Variants in FOXP1 observed in about 807,000 individuals in gnomAD.
FOXP1 encodes the protein forkhead box protein P1.
FOXP1 carries 15 observed loss-of-function variants against 98.2 expected under a neutral mutation model. The ratio of observed to expected loss-of-function variants is 0.15; its 90% CI spans 0.10 to 0.24. The LOEUF (loss-of-function observed/expected upper bound fraction) is 0.24, where lower values mean the gene tolerates loss of function less well. FOXP1 is among the 10% of genes least tolerant of loss of function. The pLI is 1.00. For synonymous variants in FOXP1, 371 were observed against 314.5 expected, an observed-to-expected ratio of 1.18 and a Z score of -1.90; for missense variants, 633 against 848.5, an observed-to-expected ratio of 0.75 and a Z score of 3.15.
chr3:71,165,443 G>A (rs1164570187), intron 6 of FOXP1, among the ~76,000 whole-genome samples: 3 of 152,122 alleles, frequency 2.0e-5, no homozygotes, highest in African/African-American at 7.2e-5. Flanking sequence ...CAGTCACAAA[G>A]GACTAACCAG....
intron 2 of FOXP1, among the ~76,000 whole-genome samples, chr3:71,526,484 G>A (rs1384929076): frequency 6.6e-6 from 1 of 152,170 alleles, no homozygotes; most frequent in African/African-American, 2.4e-5. Flanking sequence ...TAAAAACTGG[G>A]ACAAACATTA....
intron 6 of FOXP1, among the ~76,000 whole-genome samples, chr3:71,132,310 C>A (rs1427099730): frequency 1.3e-5 from 2 of 152,144 alleles, no homozygotes; most frequent in Non-Finnish European, 2.9e-5. Flanking sequence ...AATGTTCCAG[C>A]CTCAGTCACA....
At chr3:71,269,107 T>G (rs1007028441) in intron 5 of FOXP1, among the ~76,000 whole-genome samples, 6 of 151,082 alleles carry the variant, frequency 4.0e-5, no homozygotes, top group Non-Finnish European at 5.9e-5. Context: ...TGTTTTTTTT[T>G]TTTTTCATTT....
chr3:71,488,715 A>G (rs561509146), intron 3 of FOXP1, among the ~76,000 whole-genome samples: 4 of 152,326 alleles, frequency 2.6e-5, no homozygotes, highest in African/African-American at 9.6e-5. Flanking sequence ...ATAAAATGTA[A>G]GTTGACACTG....
At chr3:71,186,108 TA>T (rs1174385588) in intron 6 of FOXP1, among the ~76,000 whole-genome samples, 4 of 152,212 alleles carry the variant, frequency 2.6e-5, no homozygotes, top group Admixed American at 6.5e-5. Context: ...ATACTGAGAA[TA>T]ATATATTTTT....
In FOXP1 at chr3:70,956,508, A is replaced by G. The variant is rs1204759474; in HGVS notation, c.*2739T>C. Reference sequence around the variant, plus strand: ...TGAAATGTTTTTTTTTTAAATTTTAATCATTCCCTAAAGGTTTGAACTGAG... The same window carrying G: ...TGAAATGTTTTTTTTTTAAATTTTAGTCATTCCCTAAAGGTTTGAACTGAG... On this transcript the variant is annotated 3_prime_UTR_variant, in exon 21 of 21. Coordinates refer to ENST00000649528, the MANE Select transcript of FOXP1 (RefSeq NM_001349338.3). 1 of 229,464 alleles carries G rather than the reference A, an allele frequency of 4.4e-6. No individual in the cohort carries two copies. Among genetic ancestry groups the G allele is most frequent in the Non-Finnish European group, 8.6e-6 (1 of 115,898 alleles). The allele number at this position is 229,464 out of a possible 1,614,324, so 14.2% of individuals were successfully genotyped here. A position where few individuals can be genotyped will look rare whatever the true frequency, so the allele number is the denominator to read the frequency against.
chr3:71,126,520 G>T (rs955102260), intron 6 of FOXP1, among the ~76,000 whole-genome samples: 13 of 150,530 alleles, frequency 8.6e-5, no homozygotes, highest in East Asian at 6.0e-4. Context: ...AAAATAAAAA[G>T]AAAAGAAAAG....
intron 4 of FOXP1, chr3:71,332,095 T>G (rs1319383006): frequency 6.6e-6 from 1 of 152,288 alleles, no homozygotes; most frequent in African/African-American, 2.4e-5. Context: ...TTGGGTCCCC[T>G]TCCATACTGT....
chr3:71,561,579 G>C (rs1274149448), intron 2 of FOXP1, among the ~76,000 whole-genome samples: 1 of 152,162 alleles, frequency 6.6e-6, no homozygotes, highest in Non-Finnish European at 1.5e-5. Flanking sequence ...AAATGGAGAT[G>C]CAAGTCTCTT....
At chr3:71,411,728 A>C (rs1237584533) in intron 3 of FOXP1, among the ~76,000 whole-genome samples, 1 of 152,230 alleles carries the variant, frequency 6.6e-6, no homozygotes, top group Non-Finnish European at 1.5e-5. Context: ...AGTCTGCTCC[A>C]GTGTGGCAGT....
rs2034676627 is a variant in FOXP1, at chr3:70,965,972, G to A, written c.1807C>T (p.Arg603Trp). 6.2e-7 allele frequency: 1 copy of A among 1,614,062 alleles called. No individual in the cohort carries two copies. ...PTLGNLASAI[R>W]EELNGAMEHT... ...TCCATTGCCCCGTTCAGCTCTTCCC[G>A]TATTGCGCTGGCTAAGTTGCCCAGA... is the stretch of plus-strand genomic sequence containing the variant. Residue 603 changes from arginine to tryptophan, a missense_variant, in exon 20 of 21, where the codon CGG becomes TGG. Physicochemically the swap from Arg to Trp is moderately radical, Grantham distance 101. Transcript: ENST00000649528.
At position 70,954,950 on chromosome 3, in the gene FOXP1, G is replaced by A. The variant is rs983433825; in HGVS notation, c.*4297C>T. The A allele has an allele frequency of 1.1e-4, 26 of 232,624 alleles. No individual in the cohort carries two copies. The highest frequency in any genetic ancestry group is 7.3e-4 in the Admixed American group (13 of 17,760). 14.4% of individuals were successfully genotyped at this position (232,624 alleles called of 1,614,324 possible). On this transcript the variant is annotated 3_prime_UTR_variant, in exon 21 of 21. Transcript: ENST00000649528. The stretch of plus-strand genomic sequence containing the variant: ...ACATGAAGCACCATGCTCACAGTCC[G>A]GACTGTATCATCTTCATCAAGGCTT...
intron 4 of FOXP1, among the ~76,000 whole-genome samples, chr3:71,348,787 T>C (rs1374953681): frequency 6.6e-6 from 1 of 152,140 alleles, no homozygotes. Flanking sequence ...TCTGTGTTTG[T>C]CTGTTCACCT....
chr3:70,998,757 C>T (rs2041729480), intron 13 of FOXP1, among the ~76,000 whole-genome samples: 1 of 152,156 alleles, frequency 6.6e-6, no homozygotes, highest in Non-Finnish European at 1.5e-5. Flanking sequence ...TACTTCTAGG[C>T]CACACCCACC....
intron 7 of FOXP1, among the ~76,000 whole-genome samples, chr3:71,077,234 C>T (rs921143180): frequency 2.6e-5 from 4 of 152,218 alleles, no homozygotes; most frequent in Non-Finnish European, 4.4e-5. Flanking sequence ...AAGGCTACCA[C>T]TGACCTTTCA....
chr3:71,208,321 C>A (rs893574640), intron 5 of FOXP1, among the ~76,000 whole-genome samples: 2 of 152,118 alleles, frequency 1.3e-5, no homozygotes, highest in African/African-American at 4.8e-5. Context: ...AGCTAGTGGC[C>A]TTTCAGGAGA....
intron 5 of FOXP1, among the ~76,000 whole-genome samples, chr3:71,245,750 G>C (rs1024213776): frequency 1.3e-5 from 2 of 151,920 alleles, no homozygotes; most frequent in South Asian, 4.2e-4. Context: ...GAAATTTCTA[G>C]GATGGTTACT....
intron 2 of FOXP1, among the ~76,000 whole-genome samples, chr3:71,536,046 G>C (rs961040008): frequency 3.9e-5 from 6 of 152,142 alleles, no homozygotes; most frequent in Admixed American, 3.9e-4. Flanking sequence ...CAGTTGCCTT[G>C]AGGTAGTCTG....
chr3:71,458,486 A>AT (rs969128572), intron 3 of FOXP1, among the ~76,000 whole-genome samples: 3 of 152,140 alleles, frequency 2.0e-5, no homozygotes, highest in Non-Finnish European at 4.4e-5. Flanking sequence ...CGAAATATAC[A>AT]TTTTTTTAAT....
Sources: gnomAD v4.1 joint callset for allele counts (sites outside exome capture counted in the v4.1 genomes callset) on GRCh38, gnomAD v4.1.1 for gene constraint, MANE v1.5 for transcripts, NCBI Gene and HGNC (gene_info 2026-07-23, HGNC 2026-07-21) for gene names.